The following PTGER3 variants were observed in gnomAD, a reference collection of about 807,000 sequenced individuals.
The protein encoded by PTGER3 is prostaglandin E receptor 3, also known as prostaglandin E2 receptor EP3 subtype.
Under a neutral mutation model 34.7 loss-of-function variants are expected in PTGER3, and 22 were observed. The ratio of observed to expected loss-of-function variants is 0.63; its 90% CI spans 0.45 to 0.91. The LOEUF (loss-of-function observed/expected upper bound fraction) is 0.91. Among genes scored for constraint, PTGER3 ranks in the 40% least tolerant of loss-of-function variants. The pLI, the probability that PTGER3 is intolerant of heterozygous loss-of-function variation, is 0.00. For missense variants in PTGER3, 468 were observed against 519.4 expected, an observed-to-expected ratio of 0.90 and a Z score of 0.96; for synonymous variants, 241 against 230.1, an observed-to-expected ratio of 1.05 and a Z score of -0.43.
At chr1:70,909,472 G>T (rs1315312249) in intron 4 of PTGER3, among the ~76,000 whole-genome samples, 1 of 152,208 alleles carries the variant, frequency 6.6e-6, no homozygotes, top group Non-Finnish European at 1.5e-5. Flanking sequence ...CATGGAAGGA[G>T]TAATTCATTC....
chr1:70,934,091 C>G (rs548834885), intron 4 of PTGER3, among the ~76,000 whole-genome samples: 163 of 152,102 alleles, frequency 1.1e-3, no homozygotes, highest in Non-Finnish European at 1.9e-3. Flanking sequence ...TATATGCCAG[C>G]CTTGTGCTAA....
intron 1 of PTGER3, among the ~76,000 whole-genome samples, chr1:71,029,724 G>A (rs913432218): frequency 1.2e-4 from 18 of 151,922 alleles, no homozygotes; most frequent in African/African-American, 2.9e-4. Context: ...TCAGGAATTC[G>A]AGACTAGCCT....
intron 1 of PTGER3, among the ~76,000 whole-genome samples, chr1:71,030,743 A>G (rs1659338308): frequency 6.6e-6 from 1 of 152,178 alleles, no homozygotes; most frequent in Admixed American, 6.5e-5. Context: ...CTAGATACTC[A>G]AGCTCCTACA....
At chr1:70,932,799 C>A (rs1250431750) in intron 4 of PTGER3, among the ~76,000 whole-genome samples, 1 of 152,048 alleles carries the variant, frequency 6.6e-6, no homozygotes, top group Non-Finnish European at 1.5e-5. Context: ...AACTATGCCC[C>A]CAATTCTCAG....
chr1:71,041,502 T>G (rs981584386), intron 1 of PTGER3, among the ~76,000 whole-genome samples: 1 of 152,176 alleles, frequency 6.6e-6, no homozygotes, highest in Non-Finnish European at 1.5e-5. Context: ...CTTTACTATG[T>G]TTACAGTAAA....
At chr1:71,029,002 T>C (rs1659178513) in intron 1 of PTGER3, among the ~76,000 whole-genome samples, 1 of 152,208 alleles carries the variant, frequency 6.6e-6, no homozygotes, top group African/African-American at 2.4e-5. Context: ...ATCTGTGGCC[T>C]TAAAGCAAGT....
intron 1 of PTGER3, among the ~76,000 whole-genome samples, chr1:71,013,940 C>T (rs539901393): frequency 6.6e-6 from 1 of 152,130 alleles, no homozygotes; most frequent in Non-Finnish European, 1.5e-5. Context: ...CATTCTAGAC[C>T]TATACAGCTA....
At chr1:70,946,388 T>C (rs769016956) in intron 4 of PTGER3, among the ~76,000 whole-genome samples, 1 of 152,098 alleles carries the variant, frequency 6.6e-6, no homozygotes, top group African/African-American at 2.4e-5. Flanking sequence ...AAATAGATGA[T>C]AACAGAATTG....
intron 2 of PTGER3, among the ~76,000 whole-genome samples, chr1:71,005,269 C>T (rs1656848375): frequency 1.3e-5 from 2 of 152,170 alleles, no homozygotes; most frequent in African/African-American, 4.8e-5. Context: ...TAGAAAGGAT[C>T]TATGTAGAGC....
rs1653071087 is a variant in PTGER3, at chr1:70,971,461, C to T, written c.*269G>A. On this transcript the variant is annotated 3_prime_UTR_variant, in exon 4 of 4. Transcript: ENST00000306666. Reference sequence around the variant, plus strand: ...CAGGTCTTTCTTTTCATCACTTTTCCTCCAATCATCATCTGTGAAATTCTT... The same window carrying T: ...CAGGTCTTTCTTTTCATCACTTTTCTTCCAATCATCATCTGTGAAATTCTT... The T allele has an allele frequency of 5.2e-6, 6 of 1,147,094 alleles. No individual in the cohort carries two copies. The highest frequency in any genetic ancestry group is 6.4e-6 in the Non-Finnish European group (6 of 931,630). 71.1% of individuals were successfully genotyped at this position (1,147,094 alleles called of 1,614,324 possible).
At chr1:70,897,241 A>G (rs1447134768) in intron 4 of PTGER3, among the ~76,000 whole-genome samples, 1 of 152,176 alleles carries the variant, frequency 6.6e-6, no homozygotes. Context: ...CTGGTGTCAC[A>G]TTTCCATTGC....
At chr1:71,012,187 T>A (rs1391523806) in intron 2 of PTGER3, 118 bp downstream of exon 2, 2 of 1,593,682 alleles carry the variant, frequency 1.3e-6, no homozygotes, top group Non-Finnish European at 8.5e-7. Flanking sequence ...TACCAAAAGC[T>A]GTGCACATGC....
rs563614797 is a variant in PTGER3 at position 70,945,604 on chromosome 1, T to C, written c.*23+8159A>G. 1.2e-4 allele frequency among the ~76,000 whole-genome samples: 18 copies of C among 152,222 alleles called. No homozygotes were observed. In the South Asian group the frequency reaches 3.7e-3, roughly 32 times the overall value. On this transcript the variant is annotated intron_variant, in intron 4 of 4. Transcript: ENST00000370931. ...ATTGGTGAGACTGAACAGATCTAGC[T>C]ATATATTGCTTAAATTTGCTTCATG... is the stretch of plus-strand genomic sequence containing the variant.
chr1:70,950,094 G>A (rs1247528703), downstream of PTGER3, among the ~76,000 whole-genome samples: 1 of 152,140 alleles, frequency 6.6e-6, no homozygotes, highest in Non-Finnish European at 1.5e-5. Flanking sequence ...ATTTTAACTT[G>A]ATTTGTTAGA....
At chr1:71,027,138 C>A (rs1481409150) in intron 1 of PTGER3, among the ~76,000 whole-genome samples, 1 of 152,078 alleles carries the variant, frequency 6.6e-6, no homozygotes, top group Admixed American at 6.6e-5. Context: ...GTGAATTCAT[C>A]TAAAATCCTA....
intron 4 of PTGER3, among the ~76,000 whole-genome samples, chr1:70,920,879 ATGT>A (rs1047119225): frequency 5.2e-5 from 1 of 19,162 alleles, no homozygotes; most frequent in African/African-American, 2.7e-4. Flanking sequence ...CAATTTTTGT[ATGT>A]TGTTGTATGT....
intron 3 of PTGER3, 24 bp downstream of exon 3, chr1:70,974,273 A>G (rs373367723): frequency 5.4e-5 from 87 of 1,612,254 alleles, no homozygotes; most frequent in Middle Eastern, 1.6e-4. Flanking sequence ...TATGCTATAA[A>G]TCCCGGCAGT....
At chr1:70,983,647 T>G (rs1278642389) in intron 2 of PTGER3, among the ~76,000 whole-genome samples, 1 of 152,164 alleles carries the variant, frequency 6.6e-6, no homozygotes, top group African/African-American at 2.4e-5. Context: ...GATATTTTTT[T>G]CTTTAAGCCT....
chr1:70,922,664 T>A lies in PTGER3; in HGVS notation c.*23+31099A>T, dbSNP rs546602857. Among the ~76,000 whole-genome samples the A allele has an allele frequency of 2.0e-5, 3 of 152,160 alleles. No individual in the cohort carries two copies. The South Asian group carries it at 6.2e-4, about 32-fold the overall frequency. On this transcript the variant is annotated intron_variant, in intron 4 of 4. Transcript: ENST00000370931. ...GTTGCTAAGAGTTAACACCATAACA[T>A]GTATCTGAGACTACTAAAAAAAAAC...
Sources: allele counts gnomAD v4.1 joint callset (sites outside exome capture counted in the v4.1 genomes callset), GRCh38; gene constraint gnomAD v4.1.1; transcripts MANE v1.5; gene names NCBI Gene and HGNC (gene_info 2026-07-23, HGNC 2026-07-21).